The following CTNNA3 variants were observed in gnomAD, a reference collection of about 807,000 sequenced individuals.
The protein encoded by CTNNA3 is catenin alpha-3.
CTNNA3 carries 76 observed loss-of-function variants against 95.7 expected under a neutral mutation model. The observed-to-expected ratio is 0.79, with a 90% confidence interval of 0.66 to 0.96. CTNNA3 has a LOEUF of 0.96. Ranked by LOEUF, CTNNA3 falls within the 40% of genes least tolerant of loss-of-function variation. CTNNA3 has a pLI of 0.00. For synonymous variants in CTNNA3, 431 were observed against 374.4 expected (o/e 1.15, Z -1.74); for missense variants, 1,191 against 1,089.8 (o/e 1.09, Z -1.31).
intron 12 of CTNNA3, among the ~76,000 whole-genome samples, chr10:66,302,879 TTAG>T (rs2091883007): frequency 1.3e-5 from 2 of 152,152 alleles, no homozygotes; most frequent in African/African-American, 4.8e-5. Flanking sequence ...CATGCCCAAA[TTAG>T]ATCCATTTCA....
At chr10:67,138,960 A>G (rs1860419424) in intron 7 of CTNNA3, among the ~76,000 whole-genome samples, 2 of 152,228 alleles carry the variant, frequency 1.3e-5, no homozygotes, top group Admixed American at 1.3e-4. Context: ...AAGCTCTTAT[A>G]TATTTAGCAG....
chr10:65,987,626 T>C (rs112298830), intron 16 of CTNNA3, among the ~76,000 whole-genome samples: 6,092 of 152,018 alleles, frequency 0.04, 405 homozygotes, highest in African/African-American at 0.14. Context: ...CTTTAAAAAC[T>C]ACTACTAATA....
chr10:65,944,862 AT>A (rs2077487284), intron 17 of CTNNA3, among the ~76,000 whole-genome samples: 2 of 86,574 alleles, frequency 2.3e-5, no homozygotes, highest in African/African-American at 7.2e-5. Flanking sequence ...CTGTCTATCT[AT>A]CTATCTATCT....
chr10:66,863,259 C>T (rs1000067810), intron 7 of CTNNA3, among the ~76,000 whole-genome samples: 3 of 151,556 alleles, frequency 2.0e-5, no homozygotes, highest in African/African-American at 7.3e-5. Flanking sequence ...TGTATTCATC[C>T]TATTAGTTCT....
At chr10:66,404,780 G>T (rs1295154008) in intron 11 of CTNNA3, among the ~76,000 whole-genome samples, 1 of 112,794 alleles carries the variant, frequency 8.9e-6, no homozygotes, top group Non-Finnish European at 1.7e-5. Context: ...TTTTTCCTGT[G>T]GGTTTTTTTT....
intron 13 of CTNNA3, among the ~76,000 whole-genome samples, chr10:66,232,593 A>T (rs1177740122): frequency 6.6e-6 from 1 of 152,158 alleles, no homozygotes; most frequent in Non-Finnish European, 1.5e-5. Flanking sequence ...AGTAGAAAAG[A>T]TCCAGAAATG....
chr10:66,328,933 T>TATATATATATATATATATATATACAC (rs59003281), intron 12 of CTNNA3, among the ~76,000 whole-genome samples: 55 of 115,372 alleles, frequency 4.8e-4, no homozygotes, highest in African/African-American at 1.1e-3. Flanking sequence ...TATATATATA[T>TATATATATATATATATATATATACAC]ACACACACAC....
chr10:66,904,653 G>T (rs562324323), intron 7 of CTNNA3, among the ~76,000 whole-genome samples: 114 of 151,968 alleles, frequency 7.5e-4, no homozygotes, highest in African/African-American at 2.3e-3. Context: ...TCTACAAAGA[G>T]CTCAAACAAA....
chr10:66,291,310 A>G (rs1362111644), intron 12 of CTNNA3, among the ~76,000 whole-genome samples: 4 of 152,208 alleles, frequency 2.6e-5, no homozygotes, highest in African/African-American at 4.8e-5. Flanking sequence ...TTCAAACTTT[A>G]CCATGCATCA....
intron 9 of CTNNA3, among the ~76,000 whole-genome samples, chr10:66,694,659 A>G (rs1305398808): frequency 6.6e-6 from 1 of 152,190 alleles, no homozygotes; most frequent in Non-Finnish European, 1.5e-5. Context: ...CATAGATTGC[A>G]GGATATACGA....
At chr10:66,527,398 G>A (rs907129217) in intron 10 of CTNNA3, among the ~76,000 whole-genome samples, 5 of 152,092 alleles carry the variant, frequency 3.3e-5, no homozygotes, top group African/African-American at 7.2e-5. Context: ...AAGGTCCCTT[G>A]AGATTCCATA....
chr10:67,538,716 T>C (rs1840568258), intron 4 of CTNNA3, among the ~76,000 whole-genome samples: 1 of 152,186 alleles, frequency 6.6e-6, no homozygotes, highest in South Asian at 2.1e-4. Flanking sequence ...AGAGTAGTTA[T>C]ATTAAAATCA....
intron 7 of CTNNA3, among the ~76,000 whole-genome samples, chr10:66,822,958 A>C (rs1366981254): frequency 1.3e-5 from 2 of 152,204 alleles, no homozygotes; most frequent in African/African-American, 2.4e-5. Flanking sequence ...TTTTTAATTG[A>C]GGAAGTAACA....
At chr10:66,776,651 C>A (rs1840312954) in intron 7 of CTNNA3, among the ~76,000 whole-genome samples, 1 of 152,118 alleles carries the variant, frequency 6.6e-6, no homozygotes, top group South Asian at 2.1e-4. Context: ...CCAGTTCTTA[C>A]ATGTAATGTA....
chr10:67,637,285 G>A (rs1839351690), intron 2 of CTNNA3, among the ~76,000 whole-genome samples: 2 of 152,164 alleles, frequency 1.3e-5, no homozygotes, highest in African/African-American at 4.8e-5. Context: ...TCAAATGAAT[G>A]AAATGAAGCA....
At chr10:67,090,096 G>C (rs2131905828) in intron 7 of CTNNA3, among the ~76,000 whole-genome samples, 1 of 151,940 alleles carries the variant, frequency 6.6e-6, no homozygotes, top group Non-Finnish European at 1.5e-5. Flanking sequence ...GTCAACACAG[G>C]GATCTAACTT....
chr10:66,041,310 C>A (rs1401897434), intron 15 of CTNNA3, among the ~76,000 whole-genome samples: 1 of 152,126 alleles, frequency 6.6e-6, no homozygotes, highest in South Asian at 2.1e-4. Flanking sequence ...GATATGGCAG[C>A]TAAATATAAG....
intron 5 of CTNNA3, among the ~76,000 whole-genome samples, chr10:67,500,819 C>A (rs943245283): frequency 6.6e-6 from 1 of 152,134 alleles, no homozygotes; most frequent in East Asian, 1.9e-4. Flanking sequence ...TGCCTCTGCA[C>A]GTGCGATGGG....
rs925905180 is a variant in CTNNA3 at position 66,239,758 on chromosome 10, T to C, written c.1884+40712A>G. On this transcript the variant is annotated intron_variant, in intron 13 of 17. Transcript: ENST00000433211. ...TTCTCTTTCAACTATGCGCATTGTT[T>C]GGGACAAGACATGTTGCTGTGGCAT... Among the ~76,000 whole-genome samples, 27 of 152,024 alleles carry C rather than the reference T, an allele frequency of 1.8e-4. 1 individual carries two copies. The highest frequency in any genetic ancestry group is 1.5e-5 in the Non-Finnish European group (1 of 67,912).
Sources: allele counts gnomAD v4.1 joint callset (sites outside exome capture counted in the v4.1 genomes callset), GRCh38; gene constraint gnomAD v4.1.1; transcripts MANE v1.5; gene names NCBI Gene and HGNC (gene_info 2026-07-23, HGNC 2026-07-21).